Variants in CA10 observed in about 807,000 individuals in gnomAD.
CA10 encodes the protein carbonic anhydrase-related protein 10.
A neutral mutation model predicts 44.2 loss-of-function variants in CA10; 14 were observed. That is an observed-to-expected ratio of 0.32 (90% CI 0.21 to 0.50). CA10 has a LOEUF of 0.50. CA10 is among the 20% of genes least tolerant of loss of function. CA10 has a pLI of 0.99. For synonymous variants in CA10, 159 were observed against 141.6 expected (o/e 1.12, Z -0.87); for missense variants, 350 against 409.7 (o/e 0.85, Z 1.26).
intron 2 of CA10, among the ~76,000 whole-genome samples, chr17:52,000,926 G>C (rs1423837900): frequency 6.6e-6 from 1 of 151,720 alleles, no homozygotes; most frequent in Non-Finnish European, 1.5e-5. Context: ...GGTGGGTATA[G>C]TGTTCTAAGC....
At chr17:51,853,959 G>A (rs1364635284) in intron 3 of CA10, among the ~76,000 whole-genome samples, 2 of 152,158 alleles carry the variant, frequency 1.3e-5, no homozygotes, top group Non-Finnish European at 2.9e-5. Flanking sequence ...TCTCAGGGAA[G>A]TTTTTTATAG....
At chr17:51,865,631 T>G (rs1321863272) in intron 3 of CA10, among the ~76,000 whole-genome samples, 2 of 152,202 alleles carry the variant, frequency 1.3e-5, no homozygotes, top group African/African-American at 4.8e-5. Flanking sequence ...CAACCCTTGA[T>G]GTATCCCTGT....
intron 6 of CA10, among the ~76,000 whole-genome samples, chr17:51,637,062 G>T (rs529274792): frequency 2.0e-5 from 3 of 152,200 alleles, no homozygotes; most frequent in Admixed American, 6.5e-5. Flanking sequence ...AAAATTGTGT[G>T]TATTGGAGTT....
chr17:51,675,566 A>G lies in CA10; in HGVS notation c.466-21830T>C, dbSNP rs1567798848. ...TCCATCTCAAAAAAAAAAAAAAAAA[A>G]TTAGCCAGGTGTGGTGGCAGGCACC... On this transcript the variant is annotated intron_variant, in intron 4 of 8. Transcript: ENST00000451037. 2.0e-5 allele frequency among the ~76,000 whole-genome samples: 3 copies of G among 150,322 alleles called. No individual in the cohort carries two copies. In the East Asian group the frequency reaches 5.8e-4, roughly 29 times the overall value.
At chr17:52,077,677 G>A (rs1388832161) in intron 1 of CA10, among the ~76,000 whole-genome samples, 1 of 151,908 alleles carries the variant, frequency 6.6e-6, no homozygotes, top group African/African-American at 2.4e-5. Context: ...GAAATATATG[G>A]GTTTCTAATT....
At chr17:51,789,486 G>C (rs1302799243) in intron 3 of CA10, among the ~76,000 whole-genome samples, 1 of 152,162 alleles carries the variant, frequency 6.6e-6, no homozygotes, top group African/African-American at 2.4e-5. Context: ...GCAAGTAGCA[G>C]CTTCTCCAAG....
chr17:52,100,105 A>C (rs555193853), intron 1 of CA10, among the ~76,000 whole-genome samples: 1 of 152,198 alleles, frequency 6.6e-6, no homozygotes, highest in Non-Finnish European at 1.5e-5. Context: ...ATAAGAGATC[A>C]ATTTTTTAAT....
intron 3 of CA10, among the ~76,000 whole-genome samples, chr17:51,791,094 G>T (rs935614696): frequency 6.6e-6 from 1 of 152,160 alleles, no homozygotes; most frequent in Admixed American, 6.5e-5. Context: ...ATACCTCAAA[G>T]CACTTTTGGA....
intron 3 of CA10, among the ~76,000 whole-genome samples, chr17:51,865,449 T>A (rs1979500525): frequency 6.6e-6 from 1 of 152,180 alleles, no homozygotes; most frequent in Non-Finnish European, 1.5e-5. Context: ...AAGACTCCTC[T>A]TGGGTAGTGA....
At chr17:51,843,720 A>G (rs531839986) in intron 3 of CA10, among the ~76,000 whole-genome samples, 1 of 152,296 alleles carries the variant, frequency 6.6e-6, no homozygotes, top group South Asian at 2.1e-4. Flanking sequence ...TTGGTATTGC[A>G]TTAAAGAAGA....
At chr17:51,802,582 A>C (rs936543219) in intron 3 of CA10, among the ~76,000 whole-genome samples, 2 of 151,696 alleles carry the variant, frequency 1.3e-5, no homozygotes, top group Non-Finnish European at 2.9e-5. Context: ...AAAAAAAAAA[A>C]AAAAAACAAC....
At chr17:51,659,217 T>C (rs1240649433) in intron 4 of CA10, among the ~76,000 whole-genome samples, 1 of 152,150 alleles carries the variant, frequency 6.6e-6, no homozygotes, top group African/African-American at 2.4e-5. Flanking sequence ...AGGTGGAGGA[T>C]TCTCTCTTCC....
At chr17:51,963,413 G>C (rs1983965509) in intron 2 of CA10, among the ~76,000 whole-genome samples, 1 of 152,092 alleles carries the variant, frequency 6.6e-6, no homozygotes, top group Non-Finnish European at 1.5e-5. Flanking sequence ...AAGAAATCCA[G>C]AGAACACTTG....
intron 1 of CA10, among the ~76,000 whole-genome samples, chr17:52,155,164 CTCTATCAATGCTTCAAGTATCAATGT>C (rs1989779235): frequency 6.6e-6 from 1 of 152,228 alleles, no homozygotes; most frequent in Admixed American, 6.5e-5. Flanking sequence ...ATGAAGCCAA[CTCTATCAATGCTTCAAGTATCAATGT>C]CTGGTAACTC....
At chr17:52,034,579 A>C (rs781719882) in intron 2 of CA10, among the ~76,000 whole-genome samples, 149 of 152,074 alleles carry the variant, frequency 9.8e-4, no homozygotes, top group Non-Finnish European at 1.8e-3. Context: ...AGTCCCCTCT[A>C]TTTTATGGGG....
At chr17:51,867,168 T>C (rs1246314266) in intron 3 of CA10, among the ~76,000 whole-genome samples, 10 of 152,150 alleles carry the variant, frequency 6.6e-5, no homozygotes, top group Admixed American at 6.5e-4. Context: ...TAACTACACA[T>C]TTATAACACT....
At chr17:52,098,231 A>G (rs1012213934) in intron 1 of CA10, among the ~76,000 whole-genome samples, 1 of 152,196 alleles carries the variant, frequency 6.6e-6, no homozygotes, top group African/African-American at 2.4e-5. Flanking sequence ...GCTCAGAACA[A>G]TACATAGGTT....
At chr17:52,152,703 A>T (rs990511691) in intron 1 of CA10, among the ~76,000 whole-genome samples, 1 of 152,110 alleles carries the variant, frequency 6.6e-6, no homozygotes, top group Non-Finnish European at 1.5e-5. Context: ...ATGTATCTCA[A>T]CTTTGCTTCT....
At chr17:51,850,644 A>AG (rs1295618444) in intron 3 of CA10, among the ~76,000 whole-genome samples, 8 of 152,320 alleles carry the variant, frequency 5.3e-5, no homozygotes, top group African/African-American at 1.4e-4. Context: ...TACATGTGGA[A>AG]GGGCACATAG....
Sources: allele counts gnomAD v4.1 joint callset (sites outside exome capture counted in the v4.1 genomes callset), GRCh38; gene constraint gnomAD v4.1.1; transcripts MANE v1.5; gene names NCBI Gene and HGNC (gene_info 2026-07-23, HGNC 2026-07-21).